The following ME3 variants were observed in gnomAD, a reference collection of about 807,000 sequenced individuals.
ME3 encodes NADP-dependent malic enzyme, mitochondrial.
ME3 carries 48 observed loss-of-function variants against 68.9 expected under a neutral mutation model. The observed-to-expected ratio is 0.70, with a 90% CI of 0.55 to 0.89. The LOEUF (loss-of-function observed/expected upper bound fraction) is 0.89, where lower values mean the gene tolerates loss of function less well. ME3 is among the 40% of genes least tolerant of loss of function. The probability of loss-of-function intolerance (pLI) is 0.00; values close to 1 mark genes in which losing one functional copy is unlikely to be tolerated. For missense variants in ME3, 675 were observed against 797.4 expected, an observed-to-expected ratio of 0.85 and a Z score of 1.85; for synonymous variants, 320 against 318.8, an observed-to-expected ratio of 1.00 and a Z score of -0.04.
At position 86,457,483 on chromosome 11, in the gene ME3, G is replaced by T. The variant is rs984341445; in HGVS notation, c.920-7085C>A. The T allele has an allele frequency of 3.9e-6, 4 of 1,032,802 alleles. No individual in the cohort carries two copies. The African/African-American group carries it at 6.7e-5, about 17-fold the overall frequency. The allele number at this position is 1,032,802 out of a possible 1,614,324, so 64.0% of individuals were successfully genotyped here. On this transcript the variant is annotated intron_variant, in intron 8 of 14. Transcript: ENST00000543262. ...ACTGTTGCCCATTTTTTTCCTTTGGGAAGCTATTTCTGCACTTGGTACAGG... is the reference window on the plus strand; with the variant it reads ...ACTGTTGCCCATTTTTTTCCTTTGGTAAGCTATTTCTGCACTTGGTACAGG...
At chr11:86,637,349 CAAAA>C (rs11402713) in intron 2 of ME3, among the ~76,000 whole-genome samples, 120 of 122,058 alleles carry the variant, frequency 9.8e-4, no homozygotes, top group Middle Eastern at 4.5e-3. Flanking sequence ...ACAAGAAGCA[CAAAA>C]AAAAAAAAAA....
At chr11:86,593,274 T>A (rs1315015717) in intron 2 of ME3, among the ~76,000 whole-genome samples, 1 of 147,398 alleles carries the variant, frequency 6.8e-6, no homozygotes, top group Non-Finnish European at 1.5e-5. Context: ...AGGCTCCCCC[T>A]CCAGGAAGTG....
At chr11:86,552,595 G>A (rs531241435) in intron 4 of ME3, among the ~76,000 whole-genome samples, 23 of 152,202 alleles carry the variant, frequency 1.5e-4, no homozygotes, top group African/African-American at 5.3e-4. Context: ...AATTATCCAA[G>A]CACCGCCCCC....
chr11:86,600,868 A>T (rs925300301), intron 2 of ME3, among the ~76,000 whole-genome samples: 3 of 151,722 alleles, frequency 2.0e-5, no homozygotes, highest in African/African-American at 7.3e-5. Flanking sequence ...TACACAACGA[A>T]ATGAAGGCAG....
At chr11:86,535,598 C>A (rs996811870) in intron 4 of ME3, among the ~76,000 whole-genome samples, 4 of 152,182 alleles carry the variant, frequency 2.6e-5, no homozygotes, top group Non-Finnish European at 5.9e-5. Flanking sequence ...GTACTTTTAT[C>A]TCGCCATCCT....
chr11:86,561,389 T>C (rs966172024), intron 2 of ME3, among the ~76,000 whole-genome samples: 3 of 152,176 alleles, frequency 2.0e-5, no homozygotes, highest in African/African-American at 7.2e-5. Flanking sequence ...ACTACTTGTG[T>C]CCCTTGCTTA....
intron 2 of ME3, among the ~76,000 whole-genome samples, chr11:86,605,327 G>A (rs1426267163): frequency 3.9e-5 from 6 of 152,190 alleles, no homozygotes; most frequent in Non-Finnish European, 8.8e-5. Context: ...CAGGGCATCT[G>A]CACATGCTGT....
intron 7 of ME3, among the ~76,000 whole-genome samples, chr11:86,475,874 T>TATATATATATAGAGAG: frequency 2.0e-4 from 18 of 91,458 alleles, no homozygotes; most frequent in Non-Finnish European, 3.3e-4. Flanking sequence ...TATATATATA[T>TATATATATATAGAGAG]AGAGAGAGAG....
At chr11:86,540,890 G>A (rs1956002173) in intron 4 of ME3, among the ~76,000 whole-genome samples, 1 of 152,194 alleles carries the variant, frequency 6.6e-6, no homozygotes, top group Non-Finnish European at 1.5e-5. Context: ...AGCTCCCAGT[G>A]AGATCAATGC....
chr11:86,442,148 A>G (rs1032611861), intron 14 of ME3, among the ~76,000 whole-genome samples: 1 of 152,232 alleles, frequency 6.6e-6, no homozygotes, highest in Non-Finnish European at 1.5e-5. Context: ...CAGCTTTAAC[A>G]ATTATCAATG....
chr11:86,442,887 C>A (rs1949078711), exon 14 of ME3: 1 of 1,613,330 alleles, frequency 6.2e-7, no homozygotes, highest in African/African-American at 1.3e-5. Flanking sequence ...TCCCCTGGGA[C>A]AGATGCTGCT....
intron 7 of ME3, among the ~76,000 whole-genome samples, chr11:86,485,802 T>A (rs1427060101): frequency 6.6e-6 from 1 of 152,176 alleles, no homozygotes; most frequent in Non-Finnish European, 1.5e-5. Flanking sequence ...CAACCCTGAT[T>A]ACACCCTGCT....
Position 86,447,196 on chromosome 11 carries a change from T to A in ME3, c.1249A>T (p.Ile417Phe), listed in dbSNP as rs1262957262. The A allele has an allele frequency of 3.1e-6, 5 of 1,614,106 alleles. No homozygotes were observed. In the Admixed American group the frequency reaches 8.3e-5, roughly 27 times the overall value. ...ATCTGCTCCGTGAAGGCTCCTGCGA[T>A]GGCAGCAACACCTACAGGGAAAAGG... The change falls in exon 12 of 15, where the codon ATC (isoleucine) becomes TTC (phenylalanine). Residue 417 changes from isoleucine to phenylalanine, a missense_variant. By Grantham distance (21) the Ile-to-Phe change is conservative. Transcript: ENST00000543262.
chr11:86,610,343 C>T (rs953612817), intron 2 of ME3, among the ~76,000 whole-genome samples: 2 of 152,002 alleles, frequency 1.3e-5, no homozygotes, highest in Non-Finnish European at 2.9e-5. Context: ...ATAAAGTGAT[C>T]TGCAAGCAGA....
At chr11:86,460,661 A>G (rs1243784359) in intron 8 of ME3, among the ~76,000 whole-genome samples, 1 of 152,194 alleles carries the variant, frequency 6.6e-6, no homozygotes, top group Non-Finnish European at 1.5e-5. Context: ...TCTGTTTACA[A>G]CTATGATTCT....
chr11:86,641,224 AAAAACAG>A (rs1944655238), intron 2 of ME3, among the ~76,000 whole-genome samples: 1 of 152,242 alleles, frequency 6.6e-6, no homozygotes. Context: ...TTGAAAAGAA[AAAAACAG>A]AAAACAGCAG....
intron 5 of ME3, among the ~76,000 whole-genome samples, chr11:86,505,855 T>A (rs1472164258): frequency 1.3e-5 from 2 of 152,154 alleles, no homozygotes; most frequent in African/African-American, 4.8e-5. Context: ...GAGACAGGAA[T>A]AAAGGATGGA....
chr11:86,580,895 A>G (rs2139607191), intron 2 of ME3, among the ~76,000 whole-genome samples: 1 of 152,326 alleles, frequency 6.6e-6, no homozygotes, highest in Middle Eastern at 3.4e-3. Flanking sequence ...AGTCTACCAA[A>G]GTAGGTGTTT....
chr11:86,631,026 A>G (rs995313904), intron 2 of ME3, among the ~76,000 whole-genome samples: 1 of 152,178 alleles, frequency 6.6e-6, no homozygotes, highest in African/African-American at 2.4e-5. Flanking sequence ...GGATGGGAGG[A>G]CCAACCGAGT....
Sources: allele counts gnomAD v4.1 joint callset (sites outside exome capture counted in the v4.1 genomes callset), GRCh38; gene constraint gnomAD v4.1.1; transcripts MANE v1.5; gene names NCBI Gene and HGNC (gene_info 2026-07-23, HGNC 2026-07-21).